Variants in PCDHGA1 observed in about 807,000 individuals in gnomAD.
PCDHGA1 encodes protocadherin gamma-A1.
A neutral mutation model predicts 58.0 loss-of-function variants in PCDHGA1; 32 were observed. The ratio of observed to expected loss-of-function variants is 0.55; its 90% CI spans 0.42 to 0.74. The LOEUF is 0.74. Among genes scored for constraint, PCDHGA1 ranks in the 30% least tolerant of loss-of-function variants. PCDHGA1 has a pLI of 0.00. For synonymous variants in PCDHGA1, 498 were observed against 501.1 expected (o/e 0.99, Z 0.08); for missense variants, 1,205 against 1,182.3 (o/e 1.02, Z -0.28).
At chr5:141,378,972 G>A (rs2150135353) in intron 1 of PCDHGA1, 1 of 152,298 alleles carries the variant, frequency 6.6e-6, no homozygotes, top group Middle Eastern at 3.4e-3. Context: ...CTAATTTGAT[G>A]ACTTGTTGAA....
In PCDHGA1 at chr5:141,372,944, T is replaced by G. The variant is rs575803755; in HGVS notation, c.2421+39839T>G. ...ATTTTCTGGTGTAGAGTAGGGTGTC[T>G]AGGAAATTCTTTGTAGAATTTCCTG... On this transcript the variant is annotated intron_variant, in intron 1 of 3. Coordinates refer to ENST00000517417, the MANE Select transcript of PCDHGA1 (RefSeq NM_018912.3). The G allele has an allele frequency of 1.0e-5, 8 of 788,876 alleles. No individual in the cohort carries two copies. In the East Asian group the frequency reaches 2.2e-4, roughly 22 times the overall value. The allele number at this position is 788,876 out of a possible 1,614,324, so 48.9% of individuals were successfully genotyped here. A position where few individuals can be genotyped will look rare whatever the true frequency, so the allele number is the denominator to read the frequency against.
chr5:141,361,085 T>C (rs1370734809), intron 1 of PCDHGA1: 1 of 1,613,896 alleles, frequency 6.2e-7, no homozygotes, highest in Non-Finnish European at 8.5e-7. Flanking sequence ...AGTTACACTC[T>C]GAGTATCGAA....
intron 1 of PCDHGA1, chr5:141,408,692 ATAAAC>A: frequency 1.2e-6 from 2 of 1,613,906 alleles, no homozygotes; most frequent in Non-Finnish European, 1.7e-6. Flanking sequence ...TGATATAAAC[ATAAAC>A]TCAATTAAAG....
Position 141,352,019 on chromosome 5 carries a change from G to C in PCDHGA1, c.2421+18914G>C, listed in dbSNP as rs767715715. 9.0e-5 allele frequency: 145 copies of C among 1,609,570 alleles called. 3 individuals are homozygous for C. In the South Asian group the frequency reaches 1.5e-3, roughly 17 times the overall value. On this transcript the variant is annotated intron_variant, in intron 1 of 3. Transcript: ENST00000517417. Reference sequence around the variant, plus strand: ...AGAGCCCGGCTACCTGGTGACCAAGGTGGTGGCGGTGGACGCAGACTCAGG... The same window carrying C: ...AGAGCCCGGCTACCTGGTGACCAAGCTGGTGGCGGTGGACGCAGACTCAGG...
At chr5:141,391,213 C>T (rs1255778682) in intron 1 of PCDHGA1, 1 of 152,056 alleles carries the variant, frequency 6.6e-6, no homozygotes, top group African/African-American at 2.4e-5. Flanking sequence ...TACCAAGGAA[C>T]ATTATATGAG....
chr5:141,483,951 TTG>T (rs1298075162), intron 1 of PCDHGA1, among the ~76,000 whole-genome samples: 2 of 147,758 alleles, frequency 1.4e-5, no homozygotes, highest in Non-Finnish European at 3.0e-5. Flanking sequence ...GTGAATTGTG[TTG>T]TGTTTCTGTG....
Position 141,490,241 on chromosome 5 carries a change from G to T in PCDHGA1, c.2422-4566G>T. 2 of 1,614,246 alleles carry T rather than the reference G, an allele frequency of 1.2e-6. No individual in the cohort carries two copies. Among genetic ancestry groups the T allele is most frequent in the Non-Finnish European group, 1.7e-6 (2 of 1,180,048 alleles). On this transcript the variant is annotated intron_variant, in intron 1 of 3. Transcript: ENST00000517417. This position sits in a 1 kb window ranked among gnomAD's most constrained non-coding sequence, Gnocchi z 5.4. Reference sequence around the variant, plus strand: ...GGACAGCCTGCCATGGAGGGCCACTGTGTGATTCAAGTGGATGTGGGGGAT... The same window carrying T: ...GGACAGCCTGCCATGGAGGGCCACTTTGTGATTCAAGTGGATGTGGGGGAT...
chr5:141,432,692 G>A lies in PCDHGA1; in HGVS notation c.2422-62115G>A. The A allele has an allele frequency of 6.2e-7, 1 of 1,613,964 alleles. No homozygotes were observed. Among genetic ancestry groups the A allele is most frequent in the Non-Finnish European group, 8.5e-7 (1 of 1,179,978 alleles). On this transcript the variant is annotated intron_variant, in intron 1 of 3. Transcript: ENST00000517417. The surrounding 1 kb of genome is among the most constrained non-coding windows in gnomAD (Gnocchi z 6.0). ...CGCGCTCAAGCAGAGCCTCGTAGTG[G>A]CCGTCCAGGACCACGGCCAGCCCCC...
intron 1 of PCDHGA1, chr5:141,409,635 AC>A: frequency 6.2e-7 from 1 of 1,613,784 alleles, no homozygotes; most frequent in Non-Finnish European, 8.5e-7. Context: ...AGCGCCTCTG[AC>A]CCGGATTTGG....
intron 1 of PCDHGA1, chr5:141,383,378 C>A (rs753458256): frequency 8.1e-6 from 13 of 1,613,884 alleles, no homozygotes; most frequent in Non-Finnish European, 1.1e-5. Flanking sequence ...GCTGGGGATC[C>A]AGATGTGGGC....
chr5:141,472,751 G>A (rs1000022316), intron 1 of PCDHGA1, among the ~76,000 whole-genome samples: 5 of 151,850 alleles, frequency 3.3e-5, no homozygotes, highest in East Asian at 3.9e-4. Flanking sequence ...TTTGGGAGGC[G>A]GAGGCTGGCA....
chr5:141,405,346 G>C (rs184640789), intron 1 of PCDHGA1: 4 of 1,614,108 alleles, frequency 2.5e-6, no homozygotes, highest in Non-Finnish European at 3.4e-6. Context: ...TTGATTCCAA[G>C]TTTCCTATAG....
chr5:141,427,205 C>T lies in PCDHGA1; in HGVS notation c.2422-67602C>T, dbSNP rs73280903. 3.4e-3 allele frequency: 1,562 copies of T among 456,606 alleles called. 21 individuals carry two copies. Among genetic ancestry groups the T allele is most frequent in the African/African-American group, 0.028 (1,422 of 50,136 alleles). 28.3% of individuals were successfully genotyped at this position (456,606 alleles called of 1,614,324 possible). Reference sequence around the variant, plus strand: ...TTAAATCCAAAGACTTAATAGACTTCGAATTTCGTAGCAGTTATACCATGA... The same window carrying T: ...TTAAATCCAAAGACTTAATAGACTTTGAATTTCGTAGCAGTTATACCATGA... On this transcript the variant is annotated intron_variant, in intron 1 of 3. Transcript: ENST00000517417.
intron 1 of PCDHGA1, chr5:141,394,755 G>A (rs2093086176): frequency 1.2e-6 from 2 of 1,613,434 alleles, no homozygotes; most frequent in Non-Finnish European, 8.5e-7. Context: ...GGCCGTCCAG[G>A]ACCATGGCCA....
chr5:141,394,561 A>ACCTGCGGAGCTACCT, intron 1 of PCDHGA1: 2 of 1,613,954 alleles, frequency 1.2e-6, no homozygotes, highest in Non-Finnish European at 1.7e-6. Context: ...CGCTCCGCAG[A>ACCTGCGGAGCTACCT]GCGTGGCTAC....
intron 1 of PCDHGA1, chr5:141,416,848 G>A (rs2154546681): frequency 1.3e-5 from 2 of 152,166 alleles, no homozygotes; most frequent in East Asian, 3.9e-4. Flanking sequence ...ATAATTCCAT[G>A]ATTTTTTTCA....
chr5:141,344,870 T>C, intron 1 of PCDHGA1: 2 of 1,613,988 alleles, frequency 1.2e-6, no homozygotes, highest in Non-Finnish European at 1.7e-6. Context: ...AAGTGTCTTA[T>C]ATTCTAGATA....
At chr5:141,385,566 C>T in intron 1 of PCDHGA1, 1 of 1,303,468 alleles carries the variant, frequency 7.7e-7, no homozygotes, top group Non-Finnish European at 9.7e-7. Context: ...TAATTTCCAC[C>T]TACTTTCCAA....
chr5:141,441,280 G>A (rs2098237221), intron 1 of PCDHGA1: 1 of 152,090 alleles, frequency 6.6e-6, no homozygotes, highest in East Asian at 1.9e-4. Flanking sequence ...GGGAGAAAAC[G>A]AGGTCACATG....
Sources: allele counts gnomAD v4.1 joint callset (sites outside exome capture counted in the v4.1 genomes callset), GRCh38; gene constraint gnomAD v4.1.1; non-coding constraint Gnocchi (gnomAD v3.1); transcripts MANE v1.5; gene names NCBI Gene and HGNC (gene_info 2026-07-23, HGNC 2026-07-21).